Variants in CHIC1 observed in about 807,000 individuals in gnomAD.
CHIC1 encodes the protein cysteine-rich hydrophobic domain-containing protein 1.
Under a neutral mutation model 18.5 loss-of-function variants are expected in CHIC1, and 7 were observed. The ratio of observed to expected loss-of-function variants is 0.38; its 90% CI spans 0.22 to 0.71. The LOEUF is 0.71. Among genes scored for constraint, CHIC1 ranks in the 30% least tolerant of loss-of-function variants. The probability of loss-of-function intolerance (pLI) is 0.49; values close to 1 mark genes in which losing one functional copy is unlikely to be tolerated. For missense variants in CHIC1, 159 were observed against 176.9 expected (o/e 0.90, Z 0.57); for synonymous variants, 77 against 73.5 (o/e 1.05, Z -0.25).
At chrX:73,641,857 T>C (rs2057858448) in intron 3 of CHIC1, among the ~76,000 whole-genome samples, 2 of 111,832 alleles carry the variant, frequency 1.8e-5, no homozygotes, top group African/African-American at 6.5e-5. Flanking sequence ...CTCATCATTT[T>C]TTAGGGCTGC....
intron 3 of CHIC1, among the ~76,000 whole-genome samples, chrX:73,613,803 T>TCTCC (rs1178185555): frequency 9.0e-6 from 1 of 110,718 alleles, no homozygotes; most frequent in African/African-American, 3.3e-5. Context: ...TCCCTCCCTC[T>TCTCC]CTCCCTCCCT....
rs2147640286 is a variant in CHIC1, at chrX:73,686,916, T to G, written c.*5911T>G. ...TTGTTACATAGCCTGTGGAATGAAT[T>G]CATTTTTTCTCCCTTGAGTCCAGGA... is the stretch of plus-strand genomic sequence containing the variant. On this transcript the variant is annotated 3_prime_UTR_variant, in exon 6 of 6. Coordinates refer to ENST00000373502, the MANE Select transcript of CHIC1 (RefSeq NM_001039840.4). The G allele has an allele frequency of 9.0e-6, 1 of 111,597 alleles. No individual in the cohort carries two copies. Among genetic ancestry groups the G allele is most frequent in the African/African-American group, 3.2e-5 (1 of 30,836 alleles). The allele number at this position is 111,597 out of a possible 1,213,427, so 9.2% of individuals were successfully genotyped here.
chrX:73,670,349 C>T (rs2058024005), intron 3 of CHIC1, among the ~76,000 whole-genome samples: 1 of 112,059 alleles, frequency 8.9e-6, no homozygotes, highest in Non-Finnish European at 1.9e-5. Flanking sequence ...TGCTTCTAAT[C>T]GGCCATCTTG....
intron 3 of CHIC1, among the ~76,000 whole-genome samples, chrX:73,648,891 A>G (rs1223350449): frequency 9.0e-6 from 1 of 111,466 alleles, no homozygotes; most frequent in Non-Finnish European, 1.9e-5. Context: ...CCGAAGACAC[A>G]TGATCATCAG....
chrX:73,657,061 AT>A (rs36102598), intron 3 of CHIC1, among the ~76,000 whole-genome samples: 275 of 88,578 alleles, frequency 3.1e-3, no homozygotes, highest in East Asian at 0.011. Context: ...TCTTTTTTTA[AT>A]TTTTTTTTTT....
rs765039542 is a variant in CHIC1 at position 73,621,405 on chromosome X, T to G, written c.507+36833T>G. Among the ~76,000 whole-genome samples, 14 of 112,013 alleles carry G rather than the reference T, an allele frequency of 1.2e-4. 1 individual carries two copies. The South Asian group carries it at 5.2e-3, about 42-fold the overall frequency. ...TGCTTTATAGTTCTCCTTGAAGAGGTCCTTCACATCCTTTGTAAGTTGTAT... is the reference window on the plus strand; with the variant it reads ...TGCTTTATAGTTCTCCTTGAAGAGGGCCTTCACATCCTTTGTAAGTTGTAT... On this transcript the variant is annotated intron_variant, in intron 3 of 5. Transcript: ENST00000373502.
rs905179448 is a variant in CHIC1, at chrX:73,683,961, G to C, written c.*2956G>C. The C allele has an allele frequency of 7.1e-5, 8 of 111,926 alleles. No individual in the cohort carries two copies. The highest frequency in any genetic ancestry group is 2.6e-4 in the African/African-American group (8 of 30,784). The allele number at this position is 111,926 out of a possible 1,213,427, so 9.2% of individuals were successfully genotyped here. On this transcript the variant is annotated 3_prime_UTR_variant, in exon 6 of 6. Transcript: ENST00000373502. ...AAGAGACCACTGTAGTAAAACTTTA[G>C]AAGAAGATGGAGAAGTGCCTTGTCT...
intron 3 of CHIC1, 58 bp from the exon 4 acceptor site, chrX:73,679,268 C>T: frequency 1.4e-6 from 1 of 735,337 alleles, no homozygotes; most frequent in African/African-American, 2.1e-5. Flanking sequence ...TATAGATGCA[C>T]ATAGTTTACA....
intron 3 of CHIC1, among the ~76,000 whole-genome samples, chrX:73,673,490 A>G (rs2058043257): frequency 9.0e-6 from 1 of 111,300 alleles, no homozygotes; most frequent in African/African-American, 3.3e-5. Context: ...ATTCCTAGGT[A>G]TTTTATTCTC....
At position 73,680,142 on chromosome X, in the gene CHIC1, A is replaced by G. The variant is rs1268790376; in HGVS notation, c.624+429A>G. Among the ~76,000 whole-genome samples the G allele has an allele frequency of 7.4e-5, 8 of 108,491 alleles. No homozygotes were observed. In the Admixed American group the frequency reaches 7.9e-4, roughly 11 times the overall value. 94.2% of individuals were successfully genotyped at this position (108,491 alleles called of 115,157 possible). On this transcript the variant is annotated intron_variant, in intron 5 of 5. Transcript: ENST00000373502. ...CTGACATTTAACTTTTAGTGAAGAA[A>G]CTGTAGGTTCTAATTTTTGTTTTAA...
intron 3 of CHIC1, among the ~76,000 whole-genome samples, chrX:73,602,105 C>A (rs2147567459): frequency 9.4e-6 from 1 of 106,574 alleles, no homozygotes; most frequent in East Asian, 2.9e-4. Context: ...AGCCCAGGGC[C>A]AGATGGATTC....
rs1372932412 is a variant in CHIC1 at position 73,686,902 on chromosome X, C to G, written c.*5897C>G. 2 of 111,329 alleles carry G rather than the reference C, an allele frequency of 1.8e-5. No individual in the cohort carries two copies. Among genetic ancestry groups the G allele is most frequent in the African/African-American group, 3.3e-5 (1 of 30,707 alleles). 9.2% of individuals were successfully genotyped at this position (111,329 alleles called of 1,213,427 possible). On this transcript the variant is annotated 3_prime_UTR_variant, in exon 6 of 6. Coordinates refer to ENST00000373502, the MANE Select transcript of CHIC1 (RefSeq NM_001039840.4). ...TCATGCATCTTGCATTGTTACATAG[C>G]CTGTGGAATGAATTCATTTTTTCTC...
intron 3 of CHIC1, among the ~76,000 whole-genome samples, chrX:73,591,031 GT>G (rs1458955043): frequency 9.0e-6 from 1 of 111,349 alleles, no homozygotes; most frequent in Non-Finnish European, 1.9e-5. Context: ...CAAAGTCGCT[GT>G]GCCATTTTGT....
intron 3 of CHIC1, among the ~76,000 whole-genome samples, chrX:73,587,853 C>G (rs2057560803): frequency 9.0e-6 from 1 of 111,411 alleles, no homozygotes; most frequent in Non-Finnish European, 1.9e-5. Flanking sequence ...CATAGACTGC[C>G]TTTTCCTTAC....
chrX:73,633,221 TCCCTC>T (rs1490636187), intron 3 of CHIC1, among the ~76,000 whole-genome samples: 1 of 110,263 alleles, frequency 9.1e-6, no homozygotes, highest in East Asian at 2.8e-4. Flanking sequence ...TGAACTTACA[TCCCTC>T]CCCCCACTGC....
At chrX:73,665,445 G>A (rs1486494306) in intron 3 of CHIC1, among the ~76,000 whole-genome samples, 3 of 111,361 alleles carry the variant, frequency 2.7e-5, no homozygotes, top group Non-Finnish European at 5.6e-5. Context: ...CATGGGTTAT[G>A]GGAAACAAAA....
intron 3 of CHIC1, among the ~76,000 whole-genome samples, chrX:73,660,834 C>T (rs187374011): frequency 8.9e-6 from 1 of 111,944 alleles, no homozygotes; most frequent in Non-Finnish European, 1.9e-5. Flanking sequence ...TGGACCACAC[C>T]ATACATTACT....
intron 3 of CHIC1, among the ~76,000 whole-genome samples, chrX:73,643,331 T>A (rs1237987368): frequency 1.8e-5 from 2 of 108,327 alleles, no homozygotes; most frequent in African/African-American, 6.6e-5. Context: ...TTGGTGAATC[T>A]GACAATTACG....
intron 3 of CHIC1, among the ~76,000 whole-genome samples, chrX:73,677,184 C>T (rs1184540782): frequency 2.7e-5 from 3 of 112,058 alleles, no homozygotes; most frequent in African/African-American, 9.7e-5. Flanking sequence ...GGGTCAGGGA[C>T]CCACTTGAGG....
Sources: gnomAD v4.1 joint callset for allele counts (sites outside exome capture counted in the v4.1 genomes callset) on GRCh38, gnomAD v4.1.1 for gene constraint, MANE v1.5 for transcripts, NCBI Gene and HGNC (gene_info 2026-07-23, HGNC 2026-07-21) for gene names.